KAZN: variants seen among roughly 807,000 people sequenced by gnomAD.
KAZN encodes the protein kazrin, periplakin interacting protein.
Under a neutral mutation model 87.4 loss-of-function variants are expected in KAZN, and 40 were observed. The ratio of observed to expected loss-of-function variants is 0.46; its 90% CI spans 0.36 to 0.60. The LOEUF (loss-of-function observed/expected upper bound fraction) is 0.60, where lower values mean the gene tolerates loss of function less well. Ranked by LOEUF, KAZN falls within the 20% of genes least tolerant of loss-of-function variation. The pLI is 0.00. For missense variants in KAZN, 898 were observed against 1,073.9 expected (o/e 0.84, Z 2.29); for synonymous variants, 466 against 458.3 (o/e 1.02, Z -0.22).
At chr1:13,898,358 A>T (rs1212447506) in intron 1 of KAZN, among the ~76,000 whole-genome samples, 1 of 151,858 alleles carries the variant, frequency 6.6e-6, no homozygotes. Flanking sequence ...TGGTTGGGTG[A>T]CCCCCAGCTT....
intron 1 of KAZN, among the ~76,000 whole-genome samples, chr1:14,696,341 T>C (rs1641601431): frequency 6.6e-6 from 1 of 152,192 alleles, no homozygotes; most frequent in Non-Finnish European, 1.5e-5. Context: ...CCTGAGGGCA[T>C]CCAGGGGAAG....
At chr1:14,699,552 CAG>C (rs1641805615) in intron 1 of KAZN, among the ~76,000 whole-genome samples, 1 of 152,094 alleles carries the variant, frequency 6.6e-6, no homozygotes, top group Admixed American at 6.5e-5. Context: ...AAAGAAATAG[CAG>C]AGTTATAGGC....
Position 14,413,975 on chromosome 1 carries a change from G to A in KAZN, c.250-185008G>A, listed in dbSNP as rs371827526. On this transcript the variant is annotated intron_variant, in intron 2 of 16. Transcript: ENST00000636203. ...TCATTAGTAATCAGGGAAGTGCAAA[G>A]TAAAACAAGGAGATCTTTTCATTCC... Among the ~76,000 whole-genome samples the A allele has an allele frequency of 2.6e-5, 4 of 152,306 alleles. No homozygotes were observed. The East Asian group carries it at 7.7e-4, about 29-fold the overall frequency.
chr1:13,939,009 C>T (rs74926076), intron 1 of KAZN, among the ~76,000 whole-genome samples: 2,488 of 152,316 alleles, frequency 0.016, 64 homozygotes, highest in African/African-American at 0.055. Context: ...AGGCCTCTGC[C>T]TTGTGATCTC....
intron 1 of KAZN, among the ~76,000 whole-genome samples, chr1:14,711,393 G>A (rs1183713429): frequency 6.6e-6 from 1 of 152,078 alleles, no homozygotes; most frequent in African/African-American, 2.4e-5. Flanking sequence ...GGCCACATTT[G>A]GTTTGGGGAT....
intron 1 of KAZN, among the ~76,000 whole-genome samples, chr1:14,714,635 A>T (rs935390312): frequency 1.2e-4 from 18 of 152,254 alleles, no homozygotes; most frequent in African/African-American, 4.1e-4. Context: ...ATGGTCCTTA[A>T]GGAAGCTGCT....
intron 2 of KAZN, among the ~76,000 whole-genome samples, chr1:14,495,790 G>A (rs1045270398): frequency 5.9e-5 from 9 of 152,224 alleles, no homozygotes; most frequent in Non-Finnish European, 8.8e-5. Context: ...AGGGCTTCTC[G>A]AAAATGAAAT....
intron 1 of KAZN, among the ~76,000 whole-genome samples, chr1:14,824,465 A>G (rs1646825705): frequency 6.6e-6 from 1 of 152,234 alleles, no homozygotes; most frequent in South Asian, 2.1e-4. Context: ...TGGAGAATTC[A>G]GTAGACCTAC....
intron 1 of KAZN, among the ~76,000 whole-genome samples, chr1:14,082,239 C>A (rs1643702515): frequency 2.0e-5 from 3 of 152,156 alleles, no homozygotes; most frequent in South Asian, 2.1e-4. Flanking sequence ...CTTTTATATA[C>A]TGAGGCTGAT....
chr1:14,759,715 T>G (rs1309691345), intron 1 of KAZN, among the ~76,000 whole-genome samples: 1 of 151,624 alleles, frequency 6.6e-6, no homozygotes, highest in African/African-American at 2.4e-5. Context: ...CGATCTGGAG[T>G]CAGACGGGGA....
At chr1:14,534,117 G>A (rs1264004925) in intron 2 of KAZN, among the ~76,000 whole-genome samples, 1 of 152,100 alleles carries the variant, frequency 6.6e-6, no homozygotes, top group Non-Finnish European at 1.5e-5. Flanking sequence ...GGTGCATCCA[G>A]GCAAGAATAA....
intron 2 of KAZN, among the ~76,000 whole-genome samples, chr1:14,193,192 C>T (rs569772116): frequency 2.6e-5 from 4 of 152,174 alleles, no homozygotes; most frequent in Non-Finnish European, 5.9e-5. Flanking sequence ...TTTCCTGAGG[C>T]CTCCCCAGCC....
At chr1:14,491,793 T>A (rs1005761038) in intron 2 of KAZN, among the ~76,000 whole-genome samples, 1 of 152,214 alleles carries the variant, frequency 6.6e-6, no homozygotes, top group Non-Finnish European at 1.5e-5. Flanking sequence ...TTCTATTTAA[T>A]AATGCTTTTC....
At chr1:14,162,764 T>C (rs1258149087) in intron 1 of KAZN, among the ~76,000 whole-genome samples, 2 of 152,100 alleles carry the variant, frequency 1.3e-5, no homozygotes, top group African/African-American at 4.8e-5. Context: ...CAGGATGGTC[T>C]CATTCTCCTG....
chr1:14,206,046 C>G (rs1646737757), intron 2 of KAZN, among the ~76,000 whole-genome samples: 1 of 151,826 alleles, frequency 6.6e-6, no homozygotes, highest in Non-Finnish European at 1.5e-5. Flanking sequence ...AAAAAGCCAC[C>G]CAAAGATAGG....
At chr1:14,998,248 A>C (rs956672704) in intron 2 of KAZN, among the ~76,000 whole-genome samples, 14 of 152,178 alleles carry the variant, frequency 9.2e-5, no homozygotes, top group Non-Finnish European at 2.1e-4. Flanking sequence ...TCCAAAGATT[A>C]GCCTGTGTGA....
intron 1 of KAZN, among the ~76,000 whole-genome samples, chr1:14,066,932 G>A (rs1643031611): frequency 6.6e-6 from 1 of 152,126 alleles, no homozygotes; most frequent in African/African-American, 2.4e-5. Flanking sequence ...CTCTTGGGCT[G>A]GAGAAGCATT....
rs543280669 is a variant in KAZN, at chr1:15,021,338, A to T, written c.419-13411A>T. Among the ~76,000 whole-genome samples, 1 of 151,948 alleles carries T rather than the reference A, an allele frequency of 6.6e-6. No homozygotes were observed. Among genetic ancestry groups the T allele is most frequent in the Admixed American group, 6.6e-5 (1 of 15,258 alleles). On this transcript the variant is annotated intron_variant, in intron 2 of 14. Coordinates refer to ENST00000376030, the MANE Select transcript of KAZN (RefSeq NM_201628.3). The surrounding 1 kb of genome is among the most constrained non-coding windows in gnomAD (Gnocchi z 4.2). ...TGAGGCTGATATTGCATTTCCAGAA[A>T]TCTCCATTTCCCCCTCCCGCTTCAA...
chr1:14,994,452 G>T (rs189204215), intron 2 of KAZN, among the ~76,000 whole-genome samples: 1 of 152,346 alleles, frequency 6.6e-6, no homozygotes, highest in African/African-American at 2.4e-5. Context: ...GAGACAGCAG[G>T]CTTTCCTAGA....
Sources: gnomAD v4.1 joint callset for allele counts (sites outside exome capture counted in the v4.1 genomes callset) on GRCh38, gnomAD v4.1.1 for gene constraint, Gnocchi (gnomAD v3.1) non-coding constraint, MANE v1.5 for transcripts, NCBI Gene and HGNC (gene_info 2026-07-23, HGNC 2026-07-21) for gene names.